The following RLN3 variants were observed in gnomAD, a reference collection of about 807,000 sequenced individuals.
RLN3 encodes the protein relaxin-3.
RLN3 carries 13 observed loss-of-function variants against 10.2 expected under a neutral mutation model. The observed-to-expected ratio is 1.28, with a 90% CI of 0.83 to 2.03. The LOEUF (loss-of-function observed/expected upper bound fraction) is 2.03. Among genes scored for constraint, RLN3 ranks in the 30% most tolerant of loss-of-function variants. RLN3 has a pLI of 0.00. For missense variants in RLN3, 191 were observed against 187.2 expected, an observed-to-expected ratio of 1.02 and a Z score of -0.12; for synonymous variants, 56 against 79.2, an observed-to-expected ratio of 0.71 and a Z score of 1.56.
chr19:14,029,031 G>A (rs1472074643), intron 1 of RLN3, among the ~76,000 whole-genome samples: 1 of 151,472 alleles, frequency 6.6e-6, no homozygotes, highest in African/African-American at 2.4e-5. Flanking sequence ...CTCCCACCTC[G>A]GCCTCCCTAA....
intron 1 of RLN3, among the ~76,000 whole-genome samples, chr19:14,029,189 G>C (rs1975761086): frequency 6.6e-6 from 1 of 152,060 alleles, no homozygotes; most frequent in Non-Finnish European, 1.5e-5. Flanking sequence ...TCCATCAGGA[G>C]AGTCAGAGGG....
rs369352127 is a variant in RLN3 at position 14,031,337 on chromosome 19, A to C, written c.*389A>C. 1.0e-4 allele frequency: 23 copies of C among 225,692 alleles called. No homozygotes were observed. In the East Asian group the frequency reaches 1.8e-3, roughly 18 times the overall value. 14.0% of individuals were successfully genotyped at this position (225,692 alleles called of 1,614,324 possible). A position where few individuals can be genotyped will look rare whatever the true frequency, so the allele number is the denominator to read the frequency against. ...CCCCTTCCCAGTCCAAACTGTGGCC[A>C]TTGTCCCCTGACCAGCTAAAATCAA... On this transcript the variant is annotated 3_prime_UTR_variant, in exon 2 of 2. Coordinates refer to ENST00000431365, the MANE Select transcript of RLN3 (RefSeq NM_080864.4).
chr19:14,028,456 T>A, intron 1 of RLN3, 62 bp downstream of exon 1: 1 of 1,467,788 alleles, frequency 6.8e-7, no homozygotes. Context: ...TCCCAGGAGC[T>A]AAGGACAGAG....
At position 14,030,838 on chromosome 19, in the gene RLN3, T is replaced by A; in HGVS notation, c.319T>A (p.Trp107Arg). Residue 107 changes from tryptophan to arginine, a missense_variant, in exon 2 of 2, where the codon TGG (tryptophan) becomes AGG (arginine). Coordinates refer to ENST00000431365, the MANE Select transcript of RLN3 (RefSeq NM_080864.4). ...GGCCTTTTACAGGGGGCGACCCAGC[T>A]GGCAAGGAACCCCTGGGGTTCTTCG... ...PQAFYRGRPS[W>R]QGTPGVLRGS... The A allele has an allele frequency of 6.2e-7, 1 of 1,613,628 alleles. No homozygotes were observed. Among genetic ancestry groups the A allele is most frequent in the Non-Finnish European group, 8.5e-7 (1 of 1,179,646 alleles).
At chr19:14,028,829 C>T (rs960692287) in intron 1 of RLN3, among the ~76,000 whole-genome samples, 1 of 152,040 alleles carries the variant, frequency 6.6e-6, no homozygotes, top group Non-Finnish European at 1.5e-5. Context: ...GGCTTGAATG[C>T]AGTGGCCCAA....
rs1240051356 is a variant in RLN3 at position 14,031,511 on chromosome 19, G to T, written c.*563G>T. Reference sequence around the variant, plus strand: ...CCCTAGGAGAGCTCTGGGCACATTCGAATCTTCCCAAACTCCAATAATAAA... The same window carrying T: ...CCCTAGGAGAGCTCTGGGCACATTCTAATCTTCCCAAACTCCAATAATAAA... On this transcript the variant is annotated 3_prime_UTR_variant, in exon 2 of 2. Transcript: ENST00000431365. The T allele has an allele frequency of 3.2e-6, 1 of 309,520 alleles. No homozygotes were observed. The highest frequency in any genetic ancestry group is 6.0e-6 in the Non-Finnish European group (1 of 166,396). 19.2% of individuals were successfully genotyped at this position (309,520 alleles called of 1,614,324 possible). A position where few individuals can be genotyped will look rare whatever the true frequency, so the allele number is the denominator to read the frequency against.
At chr19:14,029,777 G>A (rs1025007641) in intron 1 of RLN3, among the ~76,000 whole-genome samples, 15 of 150,806 alleles carry the variant, frequency 9.9e-5, no homozygotes, top group Non-Finnish European at 1.9e-4. Flanking sequence ...CACTTAAAAC[G>A]TTGTTTGACA....
At chr19:14,029,476 C>T (rs1023536882) in intron 1 of RLN3, among the ~76,000 whole-genome samples, 2 of 151,750 alleles carry the variant, frequency 1.3e-5, no homozygotes, top group African/African-American at 4.8e-5. Context: ...CTCCAGCCTC[C>T]CAAGTAGCTG....
At chr19:14,030,642 C>A in intron 1 of RLN3, 68 bp from the exon 2 acceptor site, 1 of 1,306,822 alleles carries the variant, frequency 7.7e-7, no homozygotes, top group Non-Finnish European at 1.1e-6. Context: ...GCTAGACTGG[C>A]CAGGAGCCAT....
Position 14,028,345 on chromosome 19 carries a change from C to T in RLN3, c.141C>T (p.Cys47=), listed in dbSNP as rs750573146. ...REFIRAVIFT[C]GGSRWRRSDI... Reference sequence around the variant, plus strand: ...TCATCCGAGCAGTCATCTTCACCTGCGGGGGCTCCCGGTGGAGACGATCAG... The same window carrying T: ...TCATCCGAGCAGTCATCTTCACCTGTGGGGGCTCCCGGTGGAGACGATCAG... The change falls in exon 1 of 2, where the codon TGC becomes TGT. Residue 47 remains cysteine (C), a synonymous_variant. Coordinates refer to ENST00000431365, the MANE Select transcript of RLN3 (RefSeq NM_080864.4). 5.0e-6 allele frequency: 8 copies of T among 1,613,624 alleles called. No homozygotes were observed. The highest frequency in any genetic ancestry group is 2.2e-5 in the East Asian group (1 of 44,860).
chr19:14,030,468 T>C (rs750830191), intron 1 of RLN3: 5 of 664,326 alleles, frequency 7.5e-6, no homozygotes, highest in Non-Finnish European at 1.4e-5. Context: ...GCGACCAGCC[T>C]GAACAACATG....
At chr19:14,029,682 G>T (rs1052172148) in intron 1 of RLN3, among the ~76,000 whole-genome samples, 1 of 151,668 alleles carries the variant, frequency 6.6e-6, no homozygotes, top group African/African-American at 2.4e-5. Context: ...CTGCCTCAGT[G>T]GTCTCCTCTG....
Position 14,030,912 on chromosome 19 carries a change from G to C in RLN3, c.393G>C (p.Trp131Cys). 6.3e-7 allele frequency: 1 copy of C among 1,590,050 alleles called. No individual in the cohort carries two copies. Residue 131 changes from tryptophan (W) to cysteine (C), a missense_variant, in exon 2 of 2, where the codon TGG becomes TGC. By Grantham distance (215) the Trp-to-Cys change is radical. Transcript: ENST00000431365. Reference protein sequence around the residue: ...LAGLSSSCCKWGCSKSEISSL... With the variant: ...LAGLSSSCCKCGCSKSEISSL... The stretch of plus-strand genomic sequence containing the variant: ...GCCTTTCCAGCAGCTGCTGCAAGTG[G>C]GGGTGTAGCAAAAGTGAAATCAGTA...
Position 14,028,294 on chromosome 19 carries a change from C to G in RLN3, c.90C>G (p.Tyr30Ter). 6.2e-7 allele frequency: 1 copy of G among 1,613,842 alleles called. No individual in the cohort carries two copies. The highest frequency in any genetic ancestry group is 8.5e-7 in the Non-Finnish European group (1 of 1,179,956). Reference sequence around the variant, plus strand: ...GAGCTGAGGCCCGGGCAGCGCCTTACGGGGTCAGGCTTTGCGGCCGAGAAT... The same window carrying G: ...GAGCTGAGGCCCGGGCAGCGCCTTAGGGGGTCAGGCTTTGCGGCCGAGAAT... The part of the protein sequence containing the change: ...WPGAEARAAP[Y>*]GVRLCGREFI... The change falls in exon 1 of 2, where the codon TAC becomes TAG. Residue 30 changes from tyrosine to a stop codon, truncating the protein, a stop_gained. Transcript: ENST00000431365. LOFTEE classifies it high-confidence loss of function.
rs1367894586 is a variant in RLN3, at chr19:14,031,107, A to C, written c.*159A>C. 3.4e-5 allele frequency: 21 copies of C among 621,210 alleles called. No individual in the cohort carries two copies. Among genetic ancestry groups the C allele is most frequent in the Non-Finnish European group, 1.4e-5 (5 of 351,928 alleles). 38.5% of individuals were successfully genotyped at this position (621,210 alleles called of 1,614,324 possible). The stretch of plus-strand genomic sequence containing the variant: ...GTGGGCTCAGGCACAGTCTCCCGAC[A>C]CCACCTATCCAACCCTGCCCTTTGA... On this transcript the variant is annotated 3_prime_UTR_variant, in exon 2 of 2. Coordinates refer to ENST00000431365, the MANE Select transcript of RLN3 (RefSeq NM_080864.4).
chr19:14,028,984 G>A (rs1026071673), intron 1 of RLN3, among the ~76,000 whole-genome samples: 50 of 151,944 alleles, frequency 3.3e-4, no homozygotes, highest in Non-Finnish European at 1.0e-4. Context: ...TCACTATGTT[G>A]CCTAGGCTGG....
chr19:14,030,711 A>C lies in RLN3; in HGVS notation c.192A>C (p.Gly64=), dbSNP rs1975788010. ...RSDILAHEAM[G]DTFPDADADE... Reference sequence around the variant, plus strand: ...ACTAACTCTGTTCATCTTTTGCAGGAGATACCTTCCCGGATGCAGATGCTG... The same window carrying C: ...ACTAACTCTGTTCATCTTTTGCAGGCGATACCTTCCCGGATGCAGATGCTG... Residue 64 remains glycine, a splice_region_variant and synonymous_variant, in exon 2 of 2, where the codon GGA becomes GGC. Coordinates refer to ENST00000431365, the MANE Select transcript of RLN3 (RefSeq NM_080864.4). 6.2e-7 allele frequency: 1 copy of C among 1,613,808 alleles called. No homozygotes were observed. The highest frequency in any genetic ancestry group is 2.2e-5 in the East Asian group (1 of 44,886).
At chr19:14,030,385 T>A (rs1308514378) in intron 1 of RLN3, 1 of 698,844 alleles carries the variant, frequency 1.4e-6, no homozygotes, top group South Asian at 1.5e-5. Context: ...CAGGGCTGGG[T>A]GCGGTGGCTC....
At chr19:14,029,805 AAATTATT>A (rs1975769279) in intron 1 of RLN3, among the ~76,000 whole-genome samples, 1 of 90,080 alleles carries the variant, frequency 1.1e-5, no homozygotes, top group African/African-American at 5.9e-5. Flanking sequence ...AGTGATCAAT[AAATTATT>A]ATTATTATTA....
Sources: gnomAD v4.1 joint callset for allele counts (sites outside exome capture counted in the v4.1 genomes callset) on GRCh38, gnomAD v4.1.1 for gene constraint, MANE v1.5 for transcripts, NCBI Gene and HGNC (gene_info 2026-07-23, HGNC 2026-07-21) for gene names.